The following CNTN4 variants were observed in gnomAD, a reference collection of about 807,000 sequenced individuals.
CNTN4 encodes contactin 4.
CNTN4 carries 77 observed loss-of-function variants against 122.5 expected under a neutral mutation model. That is an observed-to-expected ratio of 0.63 (90% CI 0.52 to 0.76). CNTN4 has a LOEUF of 0.76. Ranked by LOEUF, CNTN4 falls within the 30% of genes least tolerant of loss-of-function variation. The pLI is 0.00. For missense variants in CNTN4, 1,256 were observed against 1,259.1 expected, an observed-to-expected ratio of 1.00 and a Z score of 0.04; for synonymous variants, 512 against 447.0, an observed-to-expected ratio of 1.15 and a Z score of -1.83.
At chr3:2,441,148 A>G (rs1438831134) in intron 3 of CNTN4, among the ~76,000 whole-genome samples, 1 of 152,056 alleles carries the variant, frequency 6.6e-6, no homozygotes, top group Non-Finnish European at 1.5e-5. Flanking sequence ...GTTCATTTAT[A>G]AAGTGTCACT....
rs149585568 is a variant in CNTN4, at chr3:2,291,253, G to C, written c.-144-47925G>C. On this transcript the variant is annotated intron_variant, in intron 2 of 24. Transcript: ENST00000418658. ...TATATAAAGGCTGTGTTCGTCCCCA[G>C]TGCTAAGTACAGACCCTAGGCATTC... is the stretch of plus-strand genomic sequence containing the variant. 2.1e-3 allele frequency among the ~76,000 whole-genome samples: 314 copies of C among 152,178 alleles called. 2 individuals are homozygous for C. Among genetic ancestry groups the C allele is most frequent in the African/African-American group, 7.2e-3 (299 of 41,526 alleles).
At chr3:2,918,443 A>G (rs144918528) in intron 12 of CNTN4, among the ~76,000 whole-genome samples, 552 of 152,316 alleles carry the variant, frequency 3.6e-3, no homozygotes, top group Middle Eastern at 0.034. Flanking sequence ...TCCAGGGTGC[A>G]CTTGCCCTGT....
rs769864406 is a variant in CNTN4, at chr3:2,689,381, A to G, written c.56-46834A>G. Among the ~76,000 whole-genome samples, 35 of 152,260 alleles carry G rather than the reference A, an allele frequency of 2.3e-4. 1 individual carries two copies. The highest frequency in any genetic ancestry group is 8.3e-4 in the South Asian group (4 of 4,824). On this transcript the variant is annotated intron_variant, in intron 4 of 24. Coordinates refer to ENST00000418658, the MANE Select transcript of CNTN4 (RefSeq NM_175607.3). ...TCAGTAGCTTGGATAGCACCTCCCT[A>G]GGCACATCATGGAGCAAGCCTATGG...
intron 2 of CNTN4, among the ~76,000 whole-genome samples, chr3:2,253,505 C>T (rs2040454969): frequency 6.6e-6 from 1 of 152,096 alleles, no homozygotes; most frequent in Non-Finnish European, 1.5e-5. Flanking sequence ...ATAAATTCAA[C>T]AGCTAAAAAG....
rs6778132 is a variant in CNTN4, at chr3:2,988,665, A to G, written c.1486+193A>G. 2,285 of 618,252 alleles carry G rather than the reference A, an allele frequency of 3.7e-3. 45 individuals are homozygous for G. The highest frequency in any genetic ancestry group is 0.037 in the African/African-American group (2,006 of 54,370). The allele number at this position is 618,252 out of a possible 1,614,324, so 38.3% of individuals were successfully genotyped here. A position where few individuals can be genotyped will look rare whatever the true frequency, so the allele number is the denominator to read the frequency against. ...TGGTAATGAATATGATTGAAAGGCT[A>G]TCTTATTTCAGAATCATCCAATACA... On this transcript the variant is annotated intron_variant, in intron 14 of 24. Coordinates refer to ENST00000418658, the MANE Select transcript of CNTN4 (RefSeq NM_175607.3).
intron 4 of CNTN4, among the ~76,000 whole-genome samples, chr3:2,711,949 T>G (rs550086996): frequency 6.6e-6 from 1 of 152,348 alleles, no homozygotes; most frequent in South Asian, 2.1e-4. Flanking sequence ...TTTAAAACTC[T>G]TCCTTCATTA....
intron 3 of CNTN4, among the ~76,000 whole-genome samples, chr3:2,513,575 A>G (rs9846741): frequency 0.22 from 33,700 of 151,984 alleles, 5,674 homozygotes; most frequent in African/African-American, 0.48. Context: ...GTATCTTCCC[A>G]ATGTAGTTAA....
At chr3:2,455,846 T>C (rs1239638231) in intron 3 of CNTN4, among the ~76,000 whole-genome samples, 3 of 152,078 alleles carry the variant, frequency 2.0e-5, no homozygotes, top group Admixed American at 6.6e-5. Context: ...TTAACTGTTG[T>C]ATTAGTGGAG....
chr3:2,825,534 T>A (rs566137996), intron 7 of CNTN4, among the ~76,000 whole-genome samples: 36 of 152,214 alleles, frequency 2.4e-4, no homozygotes, highest in African/African-American at 8.2e-4. Flanking sequence ...AAAAAATGTT[T>A]AAAAATTAGC....
intron 4 of CNTN4, among the ~76,000 whole-genome samples, chr3:2,678,322 C>A (rs992218132): frequency 6.6e-6 from 1 of 151,954 alleles, no homozygotes; most frequent in African/African-American, 2.4e-5. Context: ...TTTTTTTGAT[C>A]CTTGGTCATG....
intron 14 of CNTN4, 144 bp from the exon 15 acceptor site, chr3:3,025,958 G>T: frequency 1.3e-6 from 1 of 762,678 alleles, no homozygotes; most frequent in Non-Finnish European, 2.2e-6. Flanking sequence ...CTTCCCAGAT[G>T]ACTGAGGTTT....
At chr3:2,331,683 A>T (rs1245671413) in intron 2 of CNTN4, among the ~76,000 whole-genome samples, 1 of 152,098 alleles carries the variant, frequency 6.6e-6, no homozygotes, top group East Asian at 1.9e-4. Context: ...GCCAACAGGG[A>T]GATTCATTCC....
At chr3:2,284,740 A>G (rs1278552575) in intron 2 of CNTN4, among the ~76,000 whole-genome samples, 2 of 151,956 alleles carry the variant, frequency 1.3e-5, no homozygotes, top group Non-Finnish European at 2.9e-5. Context: ...TATAAATTAT[A>G]TCCAACAGGA....
intron 3 of CNTN4, among the ~76,000 whole-genome samples, chr3:2,445,021 C>CTA (rs2048571434): frequency 6.9e-6 from 1 of 145,038 alleles, no homozygotes; most frequent in East Asian, 2.0e-4. Flanking sequence ...AAATCTATCT[C>CTA]TCTATCTATC....
At chr3:2,216,891 G>A (rs2038864064) in intron 2 of CNTN4, among the ~76,000 whole-genome samples, 1 of 152,066 alleles carries the variant, frequency 6.6e-6, no homozygotes, top group Admixed American at 6.6e-5. Flanking sequence ...AGGTTTGATG[G>A]AGCTGCAATC....
At chr3:2,494,029 T>C (rs77484667) in intron 3 of CNTN4, among the ~76,000 whole-genome samples, 1 of 136,984 alleles carries the variant, frequency 7.3e-6, no homozygotes, top group Non-Finnish European at 1.5e-5. Flanking sequence ...TTTATTAGGA[T>C]TTTTTTTTTT....
intron 8 of CNTN4, among the ~76,000 whole-genome samples, chr3:2,870,226 T>A (rs984834374): frequency 1.3e-5 from 2 of 152,236 alleles, no homozygotes; most frequent in African/African-American, 2.4e-5. Context: ...TATCTTGATT[T>A]GTCTGGTATA....
chr3:2,995,635 G>T (rs1305404674), intron 14 of CNTN4, among the ~76,000 whole-genome samples: 1 of 152,170 alleles, frequency 6.6e-6, no homozygotes, highest in African/African-American at 2.4e-5. Flanking sequence ...CAAGAAGCTT[G>T]TGTGGTAACA....
At chr3:2,779,155 G>A (rs1004723658) in intron 6 of CNTN4, among the ~76,000 whole-genome samples, 8 of 152,162 alleles carry the variant, frequency 5.3e-5, no homozygotes, top group South Asian at 2.1e-4. Context: ...GGTAGTTAGA[G>A]CAATGATTTT....
Sources: allele counts gnomAD v4.1 joint callset (sites outside exome capture counted in the v4.1 genomes callset), GRCh38; gene constraint gnomAD v4.1.1; transcripts MANE v1.5; gene names NCBI Gene and HGNC (gene_info 2026-07-23, HGNC 2026-07-21).